Variants in CLYBL observed in about 807,000 individuals in gnomAD.
CLYBL encodes the protein citramalyl-CoA lyase, mitochondrial.
Under a neutral mutation model 38.9 loss-of-function variants are expected in CLYBL, and 31 were observed. The observed-to-expected ratio is 0.80, with a 90% CI of 0.60 to 1.08. The LOEUF is 1.08. CLYBL is among the 50% of genes least tolerant of loss of function. The pLI is 0.00. For missense variants in CLYBL, 434 were observed against 411.6 expected, an observed-to-expected ratio of 1.05 and a Z score of -0.47; for synonymous variants, 171 against 158.6, an observed-to-expected ratio of 1.08 and a Z score of -0.59.
At chr13:99,768,168 G>T (rs983179065) in intron 1 of CLYBL, among the ~76,000 whole-genome samples, 1 of 150,302 alleles carries the variant, frequency 6.7e-6, no homozygotes, top group Non-Finnish European at 1.5e-5. Flanking sequence ...ATAAATGTAA[G>T]GTCTCCTCAA....
chr13:99,659,633 T>C (rs1275188079), intron 1 of CLYBL, among the ~76,000 whole-genome samples: 2 of 152,224 alleles, frequency 1.3e-5, no homozygotes, highest in Non-Finnish European at 2.9e-5. Context: ...CCCTATTCTT[T>C]ATTGGCAGGA....
At chr13:99,668,937 G>A (rs750802484) in intron 1 of CLYBL, among the ~76,000 whole-genome samples, 6 of 152,128 alleles carry the variant, frequency 3.9e-5, no homozygotes, top group African/African-American at 4.8e-5. Context: ...CTGGTTCAGC[G>A]GGGAGAAGGC....
At chr13:99,662,293 T>C (rs1339971317) in intron 1 of CLYBL, among the ~76,000 whole-genome samples, 1 of 152,212 alleles carries the variant, frequency 6.6e-6, no homozygotes, top group Non-Finnish European at 1.5e-5. Flanking sequence ...CTCAGAATTA[T>C]TTTTTAAAAA....
intron 1 of CLYBL, among the ~76,000 whole-genome samples, chr13:99,621,609 A>G (rs2793769): frequency 0.85 from 128,678 of 152,168 alleles, 54,501 homozygotes; most frequent in Middle Eastern, 0.91. Flanking sequence ...TTAGTTTCCT[A>G]TTGCTGTTGT....
At chr13:99,784,851 A>G (rs1286172348) in intron 2 of CLYBL, among the ~76,000 whole-genome samples, 3 of 152,158 alleles carry the variant, frequency 2.0e-5, no homozygotes, top group African/African-American at 4.8e-5. Context: ...TTCAGAGAAC[A>G]TGGTCAACCA....
At chr13:99,757,389 G>A (rs1415309149) in intron 1 of CLYBL, among the ~76,000 whole-genome samples, 3 of 152,086 alleles carry the variant, frequency 2.0e-5, no homozygotes, top group Non-Finnish European at 4.4e-5. Flanking sequence ...ATTGGCATTC[G>A]CTAGTGCAGC....
At chr13:99,785,910 A>T (rs1169974202) in intron 2 of CLYBL, among the ~76,000 whole-genome samples, 5 of 151,748 alleles carry the variant, frequency 3.3e-5, no homozygotes, top group African/African-American at 9.7e-5. Flanking sequence ...TACATTTCTT[A>T]AATTTTTTTT....
intron 1 of CLYBL, among the ~76,000 whole-genome samples, chr13:99,738,555 C>A (rs2048702309): frequency 6.6e-6 from 1 of 152,186 alleles, no homozygotes; most frequent in Admixed American, 6.5e-5. Flanking sequence ...GTCAACACAC[C>A]TGAGTGCAGC....
At chr13:99,617,635 G>A (rs200292997) in intron 1 of CLYBL, among the ~76,000 whole-genome samples, 20 of 49,024 alleles carry the variant, frequency 4.1e-4, no homozygotes, top group African/African-American at 1.3e-3. Flanking sequence ...CCTCACGAAC[G>A]CCTTTCAGAA....
At chr13:99,667,818 A>G (rs1022717626) in intron 1 of CLYBL, among the ~76,000 whole-genome samples, 3 of 152,220 alleles carry the variant, frequency 2.0e-5, no homozygotes, top group Non-Finnish European at 4.4e-5. Flanking sequence ...TCTTTCTACT[A>G]TTCCAATTGG....
intron 1 of CLYBL, among the ~76,000 whole-genome samples, chr13:99,732,813 A>T (rs2048612989): frequency 6.6e-6 from 1 of 152,238 alleles, no homozygotes; most frequent in South Asian, 2.1e-4. Context: ...TGACCCAAAG[A>T]TATTTAAAAA....
intron 4 of CLYBL, among the ~76,000 whole-genome samples, chr13:99,864,548 T>C (rs2051691416): frequency 6.6e-6 from 1 of 152,228 alleles, no homozygotes; most frequent in African/African-American, 2.4e-5. Flanking sequence ...ATGAGTTAAC[T>C]CAAAGTTTCT....
intron 1 of CLYBL, among the ~76,000 whole-genome samples, chr13:99,671,305 T>C (rs1442786195): frequency 6.6e-6 from 1 of 152,260 alleles, no homozygotes; most frequent in Non-Finnish European, 1.5e-5. Flanking sequence ...TCTCGTATAA[T>C]GTTTGTCTTC....
chr13:99,854,714 C>A (rs569139326), intron 2 of CLYBL, among the ~76,000 whole-genome samples: 2 of 152,050 alleles, frequency 1.3e-5, no homozygotes, highest in Non-Finnish European at 2.9e-5. Context: ...ACCAACTGCA[C>A]GCATATTTTC....
chr13:99,685,955 C>G (rs2047811176), intron 1 of CLYBL, among the ~76,000 whole-genome samples: 1 of 152,038 alleles, frequency 6.6e-6, no homozygotes, highest in Admixed American at 6.6e-5. Flanking sequence ...GAACAAGACC[C>G]TGTTTCAAAA....
exon 10 of CLYBL, among the ~76,000 whole-genome samples, chr13:99,909,195 GCACTGTGTCA>G (rs1213032724): frequency 2.0e-5 from 3 of 152,198 alleles, no homozygotes; most frequent in Non-Finnish European, 4.4e-5. Context: ...CAGAGAGGCT[GCACTGTGTCA>G]TTTAATCACG....
At chr13:99,828,033 AGGGGTGCCCTTCTGG>A (rs1438047477) in intron 2 of CLYBL, among the ~76,000 whole-genome samples, 2 of 152,188 alleles carry the variant, frequency 1.3e-5, no homozygotes, top group Non-Finnish European at 2.9e-5. Context: ...GCCCCTCCTG[AGGGGTGCCCTTCTGG>A]GGATGCAGGA....
At chr13:99,879,385 A>G (rs2052135466) in intron 7 of CLYBL, among the ~76,000 whole-genome samples, 1 of 152,156 alleles carries the variant, frequency 6.6e-6, no homozygotes, top group African/African-American at 2.4e-5. Context: ...GTGTCTAGCT[A>G]TCATCTTTGC....
chr13:99,827,257 C>G (rs575141589), intron 2 of CLYBL, among the ~76,000 whole-genome samples: 1 of 152,124 alleles, frequency 6.6e-6, no homozygotes, highest in Non-Finnish European at 1.5e-5. Context: ...ATACACATAT[C>G]GATTCCCCTC....
Sources: gnomAD v4.1 joint callset for allele counts (sites outside exome capture counted in the v4.1 genomes callset) on GRCh38, gnomAD v4.1.1 for gene constraint, MANE v1.5 for transcripts, NCBI Gene and HGNC (gene_info 2026-07-23, HGNC 2026-07-21) for gene names.